Variants in FAT1 observed in about 807,000 individuals in gnomAD.
The protein encoded by FAT1 is protocadherin Fat 1.
FAT1 carries 171 observed loss-of-function variants against 329.8 expected under a neutral mutation model. The observed-to-expected ratio is 0.52, with a 90% CI of 0.46 to 0.59. FAT1 has a LOEUF of 0.59. Ranked by LOEUF, FAT1 falls within the 20% of genes least tolerant of loss-of-function variation. The probability of loss-of-function intolerance (pLI) is 0.00; values close to 1 mark genes in which losing one functional copy is unlikely to be tolerated. For missense variants in FAT1, 5,672 were observed against 5,774.4 expected, an observed-to-expected ratio of 0.98 and a Z score of 0.57; for synonymous variants, 2,233 against 2,228.6, an observed-to-expected ratio of 1.00 and a Z score of -0.06.
intron 2 of FAT1, among the ~76,000 whole-genome samples, chr4:186,705,553 G>A (rs1209612262): frequency 1.3e-5 from 2 of 152,080 alleles, no homozygotes; most frequent in Non-Finnish European, 2.9e-5. Context: ...CAACACATTC[G>A]CTCATTTACT....
rs2126684395 is a variant in FAT1, at chr4:186,706,961, A to T, written c.2867T>A (p.Leu956Ter). 6.2e-7 allele frequency: 1 copy of T among 1,613,938 alleles called. No homozygotes were observed. Among genetic ancestry groups the T allele is most frequent in the Non-Finnish European group, 8.5e-7 (1 of 1,179,872 alleles). Residue 956 changes from leucine (L) to a stop codon, truncating the protein, a stop_gained, in exon 2 of 27, where the codon TTA becomes TAA. Transcript: ENST00000441802. LOFTEE classifies it high-confidence loss of function. ...GTATCTCACCTGACCAGACTGACCT[A>T]AATCAGGATCGTGGGCTTCTAACCA... ...IMWLEAHDPD[L>*]GQSGQVRYSL...
At chr4:186,679,432 A>G (rs1223552916) in intron 2 of FAT1, among the ~76,000 whole-genome samples, 1 of 151,228 alleles carries the variant, frequency 6.6e-6, no homozygotes, top group African/African-American at 2.4e-5. Context: ...AAAAAAAAAA[A>G]AAAAAAAAAA....
intron 2 of FAT1, among the ~76,000 whole-genome samples, chr4:186,680,350 C>T (rs765732264): frequency 3.9e-5 from 6 of 152,160 alleles, no homozygotes; most frequent in Non-Finnish European, 7.3e-5. Context: ...AGTAATATAG[C>T]ATATAACACA....
rs2126696904 is a variant in FAT1, at chr4:186,708,490, G to A, written c.1338C>T (p.Ser446=). 6.2e-7 allele frequency: 1 copy of A among 1,613,918 alleles called. No homozygotes were observed. The highest frequency in any genetic ancestry group is 8.5e-7 in the Non-Finnish European group (1 of 1,179,886). ...CTAAGACTTTCACCAAGACCTTGGT[G>A]GACGCTTTTCTGTCACTTGTTGTTA... is the stretch of plus-strand genomic sequence containing the variant. ...LEVTTSDRKA[S]TKVLVKVLGA... is the part of the protein sequence containing the mutation. The change falls in exon 2 of 27, where the codon TCC becomes TCT. Residue 446 remains serine (S), a synonymous_variant. Coordinates refer to ENST00000441802, the MANE Select transcript of FAT1 (RefSeq NM_005245.4).
intron 6 of FAT1, among the ~76,000 whole-genome samples, chr4:186,634,431 T>C (rs1560954235): frequency 6.6e-6 from 1 of 152,178 alleles, no homozygotes; most frequent in Non-Finnish European, 1.5e-5. Flanking sequence ...TCGACCTAGA[T>C]ATAAAATGAA....
At position 186,663,392 on chromosome 4, in the gene FAT1, C is replaced by G; in HGVS notation, c.3487G>C (p.Ala1163Pro). 6.2e-7 allele frequency: 1 copy of G among 1,613,986 alleles called. No individual in the cohort carries two copies. The highest frequency in any genetic ancestry group is 1.3e-5 in the African/African-American group (1 of 75,036). The change falls in exon 3 of 27, where the codon GCA (alanine) becomes CCA (proline). Residue 1163 changes from alanine to proline, a missense_variant. By Grantham distance (27) the Ala-to-Pro change is conservative. Coordinates refer to ENST00000441802, the MANE Select transcript of FAT1 (RefSeq NM_005245.4). ...TTAGAGCTCGAATCTGGATCAAATG[C>G]CTCGATCTGGACCACAGATACATCT... ...PKDVSVVQIE[A>P]FDPDSSSNDK...
At position 186,613,858 on chromosome 4, in the gene FAT1, T is replaced by C. The variant is rs373462050; in HGVS notation, c.9229+333A>G. On this transcript the variant is annotated intron_variant, in intron 12 of 26. Transcript: ENST00000441802. ...TTATGGTCACCAATTCAAGAAAATA[T>C]GCTATTTAAATAAAATGGATAAAAA... is the stretch of plus-strand genomic sequence containing the variant. Among the ~76,000 whole-genome samples, 129 of 152,364 alleles carry C rather than the reference T, an allele frequency of 8.5e-4. 1 individual carries two copies. Among genetic ancestry groups the C allele is most frequent in the Non-Finnish European group, 1.5e-3 (102 of 68,034 alleles).
chr4:186,719,566 C>T (rs569131282), intron 1 of FAT1, among the ~76,000 whole-genome samples: 7 of 152,242 alleles, frequency 4.6e-5, no homozygotes, highest in Non-Finnish European at 8.8e-5. Context: ...AGTTTGCAAA[C>T]TAACAAATCA....
chr4:186,607,392 T>C (rs1032071377), intron 16 of FAT1, among the ~76,000 whole-genome samples: 1 of 142,658 alleles, frequency 7.0e-6, no homozygotes, highest in South Asian at 2.2e-4. Context: ...ACTGGATAGA[T>C]AGGTGGATGG....
At chr4:186,669,239 T>C (rs1356618497) in intron 2 of FAT1, among the ~76,000 whole-genome samples, 1 of 152,192 alleles carries the variant, frequency 6.6e-6, no homozygotes, top group Non-Finnish European at 1.5e-5. Context: ...AGCCCAGGCC[T>C]TCCGCAGGAT....
chr4:186,649,524 T>G (rs1741533904), intron 3 of FAT1, among the ~76,000 whole-genome samples: 1 of 152,264 alleles, frequency 6.6e-6, no homozygotes, highest in East Asian at 1.9e-4. Flanking sequence ...AGCAAGAGTC[T>G]TTTTAAGAGA....
In FAT1 at chr4:186,617,071, G is replaced by A; in HGVS notation, c.9009C>T (p.Phe3003=). ...LLTITATDGT[F]SSKAIVEVKV... ...TCACTTCAACTATCGCTTTTGATGA[G>A]AAGGTGCCATCAGTTGCCGTGATAG... Residue 3003 remains phenylalanine, a synonymous_variant, in exon 11 of 27, where the codon TTC becomes TTT. Transcript: ENST00000441802. The A allele has an allele frequency of 6.2e-7, 1 of 1,613,966 alleles. No homozygotes were observed. Among genetic ancestry groups the A allele is most frequent in the Non-Finnish European group, 8.5e-7 (1 of 1,179,874 alleles).
intron 24 of FAT1, 183 bp from the exon 25 acceptor site, chr4:186,597,354 C>T (rs555601384): frequency 7.8e-6 from 5 of 644,522 alleles, no homozygotes; most frequent in African/African-American, 1.8e-5. Flanking sequence ...TGTGGAGAAA[C>T]CAATCATGTG....
intron 2 of FAT1, among the ~76,000 whole-genome samples, chr4:186,683,295 G>A (rs1309065800): frequency 1.3e-5 from 2 of 151,958 alleles, no homozygotes; most frequent in Non-Finnish European, 2.9e-5. Flanking sequence ...GTGTTGACTC[G>A]TGTCTCCTCT....
In FAT1 at chr4:186,619,335, T is replaced by C. The variant is rs1391971675; in HGVS notation, c.7251A>G (p.Ala2417=). Residue 2417 remains alanine (A), a synonymous_variant, in exon 10 of 27, where the codon GCA becomes GCG. Transcript: ENST00000441802. ...GCAACTTGTCTATGTCTGAACTGTC[T>C]GCATCATAGGCTTTTACACAGGTCA... ...HFVTCVKAYD[A]DSSDIDKLQY... The C allele has an allele frequency of 1.9e-6, 3 of 1,614,072 alleles. No homozygotes were observed. In the African/African-American group the frequency reaches 4.0e-5, roughly 21 times the overall value.
chr4:186,611,265 T>C (rs558290785), intron 14 of FAT1, 121 bp downstream of exon 14: 24 of 836,508 alleles, frequency 2.9e-5, no homozygotes, highest in Non-Finnish European at 3.9e-5. Flanking sequence ...GAAAACTTGA[T>C]TTGCCTTTTT....
Position 186,602,807 on chromosome 4 carries a change from T to C in FAT1, c.11482+96A>G, listed in dbSNP as rs2289549. 21,107 of 1,293,388 alleles carry C rather than the reference T, an allele frequency of 0.016. 1,216 individuals are homozygous for C. The African/African-American group carries it at 0.17, about 11-fold the overall frequency. 80.1% of individuals were successfully genotyped at this position (1,293,388 alleles called of 1,614,324 possible). On this transcript the variant is annotated intron_variant, in intron 20 of 26. Transcript: ENST00000441802. ...TCTGTCTTCTTACAATAAACATACT[T>C]TGCAATATTTTTAGACTCCAATAAA... is the stretch of plus-strand genomic sequence containing the variant.
rs769432641 is a variant in FAT1, at chr4:186,620,200, A to G, written c.6386T>C (p.Ile2129Thr). ...CAGTGAAATTTCACCCAAGGGTCCAATTTGAAAGTGTTCATGATGTTCCTT... is the reference window on the plus strand; with the variant it reads ...CAGTGAAATTTCACCCAAGGGTCCAGTTTGAAAGTGTTCATGATGTTCCTT... The part of the protein sequence containing the change: ...YLKEHHEHFQ[I>T]GPLGEISLKK... The change falls in exon 10 of 27, where the codon ATT (isoleucine) becomes ACT (threonine). Residue 2129 changes from isoleucine (I) to threonine (T), a missense_variant. Ile to Thr is a moderately conservative substitution (Grantham distance 89, BLOSUM62 -1). Around this residue, in one of 2 missense-constraint regions of FAT1, gnomAD observed 3,966 missense variants for 3,915.2 expected, o/e 1.01. Transcript: ENST00000441802. 3 of 1,613,920 alleles carry G rather than the reference A, an allele frequency of 1.9e-6. No homozygotes were observed. Among genetic ancestry groups the G allele is most frequent in the African/African-American group, 1.3e-5 (1 of 74,934 alleles).
intron 3 of FAT1, among the ~76,000 whole-genome samples, chr4:186,653,804 G>C (rs1301015704): frequency 6.6e-6 from 1 of 152,188 alleles, no homozygotes; most frequent in Non-Finnish European, 1.5e-5. Context: ...TGACACGGCT[G>C]AGTGGTGTGA....
Sources: gnomAD v4.1 joint callset for allele counts (sites outside exome capture counted in the v4.1 genomes callset) on GRCh38, gnomAD v4.1.1 for gene constraint, gnomAD v4.1.1 regional missense constraint, MANE v1.5 for transcripts, NCBI Gene and HGNC (gene_info 2026-07-23, HGNC 2026-07-21) for gene names.